Variants in CLIP1 observed in about 807,000 individuals in gnomAD.
The protein encoded by CLIP1 is CAP-Gly domain-containing linker protein 1.
In CLIP1, 66 loss-of-function variants were observed where a neutral mutation model predicts 161.6. That is an observed-to-expected ratio of 0.41 (90% CI 0.33 to 0.50). CLIP1 has a LOEUF of 0.50. Ranked by LOEUF, CLIP1 falls within the 20% of genes least tolerant of loss-of-function variation. The pLI is 0.27. For missense variants in CLIP1, 1,376 were observed against 1,702.0 expected (o/e 0.81, Z 3.37); for synonymous variants, 598 against 626.2 (o/e 0.96, Z 0.67).
chr12:122,320,541 T>C (rs1413197981), intron 17 of CLIP1, among the ~76,000 whole-genome samples: 2 of 151,742 alleles, frequency 1.3e-5, no homozygotes, highest in African/African-American at 4.8e-5. Context: ...GGAGTCAATA[T>C]GGTGAAACCC....
At chr12:122,365,266 G>A in intron 3 of CLIP1, 1 of 588,476 alleles carries the variant, frequency 1.7e-6, no homozygotes. Flanking sequence ...AAAAAGAAAG[G>A]TGATATTGTA....
intron 1 of CLIP1, among the ~76,000 whole-genome samples, chr12:122,398,424 TAAAA>T (rs375091505): frequency 7.4e-6 from 1 of 135,916 alleles, no homozygotes. Flanking sequence ...GACTCCACCT[TAAAA>T]AAAAAAAAAA....
rs754302004 is a variant in CLIP1, at chr12:122,311,675, G to A, written c.3474-1793C>T. The stretch of plus-strand genomic sequence containing the variant: ...CTTGACCTCGTGATCTGCCCGCCTC[G>A]GCCTCCCAAAGTGCTGGGATTACAG... On this transcript the variant is annotated intron_variant, in intron 19 of 25. Coordinates refer to ENST00000620786, the MANE Select transcript of CLIP1 (RefSeq NM_001247997.2). This position sits in a 1 kb window ranked among gnomAD's most constrained non-coding sequence, Gnocchi z 4.3. Among the ~76,000 whole-genome samples, 2 of 151,654 alleles carry A rather than the reference G, an allele frequency of 1.3e-5. No homozygotes were observed. Among genetic ancestry groups the A allele is most frequent in the Admixed American group, 1.3e-4 (2 of 15,210 alleles).
chr12:122,389,275 T>C (rs1955475598), intron 1 of CLIP1, among the ~76,000 whole-genome samples: 1 of 152,162 alleles, frequency 6.6e-6, no homozygotes, highest in African/African-American at 2.4e-5. Flanking sequence ...GAAACTGTAT[T>C]TTAGTCACCT....
At chr12:122,360,750 C>A in intron 5 of CLIP1, 1 of 516,350 alleles carries the variant, frequency 1.9e-6, no homozygotes, top group Non-Finnish European at 3.4e-6. Context: ...CTGAAAGGGA[C>A]TATTAAAAGC....
chr12:122,326,155 C>G (rs1410330145), intron 17 of CLIP1, among the ~76,000 whole-genome samples: 2 of 152,202 alleles, frequency 1.3e-5, no homozygotes, highest in Non-Finnish European at 2.9e-5. Flanking sequence ...GATTACGATC[C>G]ACTGAAATTA....
At chr12:122,413,121 C>G (rs1956602484) in intron 1 of CLIP1, among the ~76,000 whole-genome samples, 1 of 152,116 alleles carries the variant, frequency 6.6e-6, no homozygotes, top group Admixed American at 6.6e-5. Flanking sequence ...AGGTCCCTTC[C>G]TGCTTTAAGG....
intron 24 of CLIP1, chr12:122,277,834 TA>T (rs369570520): frequency 0.097 from 20,478 of 210,812 alleles, 140 homozygotes; most frequent in Middle Eastern, 0.13. Flanking sequence ...TTATTTATGT[TA>T]AAAAAAAAAA....
intron 7 of CLIP1, 101 bp downstream of exon 7, chr12:122,354,352 A>G (rs1040236117): frequency 2.2e-5 from 17 of 758,656 alleles, no homozygotes; most frequent in Admixed American, 6.7e-5. Flanking sequence ...CTGAGATTGC[A>G]CCACTGCACT....
intron 21 of CLIP1, among the ~76,000 whole-genome samples, chr12:122,285,241 T>C (rs1955802176): frequency 6.6e-6 from 1 of 151,878 alleles, no homozygotes; most frequent in African/African-American, 2.4e-5. Flanking sequence ...TTTTTTTTTT[T>C]TTTTGAGACG....
At chr12:122,357,196 C>T (rs1455089651) in intron 5 of CLIP1, among the ~76,000 whole-genome samples, 4 of 151,800 alleles carry the variant, frequency 2.6e-5, no homozygotes, top group Admixed American at 6.6e-5. Flanking sequence ...AAGTGAGGAG[C>T]GTCTCTGCCC....
At chr12:122,312,728 G>A (rs1225770820) in intron 19 of CLIP1, among the ~76,000 whole-genome samples, 1 of 152,130 alleles carries the variant, frequency 6.6e-6, no homozygotes, top group African/African-American at 2.4e-5. Context: ...TGCTGCCACT[G>A]TACTCTAGCT....
chr12:122,405,300 CAGA>C (rs1472114561), intron 1 of CLIP1, among the ~76,000 whole-genome samples: 1 of 152,282 alleles, frequency 6.6e-6, no homozygotes, highest in African/African-American at 2.4e-5. Context: ...TCAAAAAAGT[CAGA>C]AGGATTCCAG....
intron 4 of CLIP1, 102 bp from the exon 5 acceptor site, chr12:122,361,283 C>T: frequency 1.0e-6 from 1 of 982,526 alleles, no homozygotes; most frequent in Non-Finnish European, 1.5e-6. Context: ...GGTTGGATTC[C>T]TGGAAATTCT....
chr12:122,400,033 G>A (rs1043065188), intron 1 of CLIP1: 2 of 152,200 alleles, frequency 1.3e-5, no homozygotes, highest in East Asian at 3.9e-4. Context: ...CTGAAGTCAC[G>A]GTTACGTAAG....
chr12:122,317,999 T>G (rs1795297917), intron 18 of CLIP1, among the ~76,000 whole-genome samples: 1 of 152,226 alleles, frequency 6.6e-6, no homozygotes, highest in African/African-American at 2.4e-5. Flanking sequence ...CTATGATTTT[T>G]TAATGCTTTT....
Position 122,344,891 on chromosome 12 carries a change from G to T in CLIP1, c.1506+2484C>A, listed in dbSNP as rs1240281267. 2.6e-5 allele frequency among the ~76,000 whole-genome samples: 4 copies of T among 152,254 alleles called. No individual in the cohort carries two copies. In the East Asian group the frequency reaches 7.7e-4, roughly 29 times the overall value. On this transcript the variant is annotated intron_variant, in intron 10 of 25. Transcript: ENST00000620786. ...TATCTTAACACTTGGGAACCCAAGA[G>T]TGAGGATCAACAGAAGACATACTTC...
chr12:122,274,183 T>A (rs769135130), intron 24 of CLIP1, 21 bp from the exon 25 acceptor site: 10 of 1,542,774 alleles, frequency 6.5e-6, no homozygotes, highest in East Asian at 2.3e-5. Flanking sequence ...AAAAAAAAAA[T>A]GTGTAAAATG....
chr12:122,310,082 A>G (rs1344010062), intron 19 of CLIP1, among the ~76,000 whole-genome samples, 200 bp from the exon 20 acceptor site: 1 of 152,146 alleles, frequency 6.6e-6, no homozygotes, highest in African/African-American at 2.4e-5. Flanking sequence ...TGCCACCCAC[A>G]ATTATTACAT....
Sources: allele counts gnomAD v4.1 joint callset (sites outside exome capture counted in the v4.1 genomes callset), GRCh38; gene constraint gnomAD v4.1.1; non-coding constraint Gnocchi (gnomAD v3.1); transcripts MANE v1.5; gene names NCBI Gene and HGNC (gene_info 2026-07-23, HGNC 2026-07-21).